Variants in KIAA1549 observed in about 807,000 individuals in gnomAD.
The protein encoded by KIAA1549 is UPF0606 protein KIAA1549.
A neutral mutation model predicts 156.4 loss-of-function variants in KIAA1549; 70 were observed. The observed-to-expected ratio is 0.45, with a 90% CI of 0.37 to 0.55. KIAA1549 has a LOEUF of 0.55. Among genes scored for constraint, KIAA1549 ranks in the 20% least tolerant of loss-of-function variants. The pLI is 0.00. For synonymous variants in KIAA1549, 1,103 were observed against 1,066.4 expected (o/e 1.03, Z -0.67); for missense variants, 2,428 against 2,540.9 (o/e 0.96, Z 0.96).
chr7:138,867,285 G>A (rs746263153), intron 15 of KIAA1549, among the ~76,000 whole-genome samples: 21 of 152,124 alleles, frequency 1.4e-4, no homozygotes, highest in Non-Finnish European at 2.5e-4. Context: ...ACAGGGTCAT[G>A]CCCTCATACC....
chr7:138,894,560 C>T, intron 9 of KIAA1549, 34 bp from the exon 10 acceptor site: 1 of 1,606,864 alleles, frequency 6.2e-7, no homozygotes, highest in South Asian at 1.1e-5. Flanking sequence ...TTCAATAATT[C>T]CTTCTTCACT....
intron 15 of KIAA1549, among the ~76,000 whole-genome samples, chr7:138,862,247 C>CA (rs1265930181): frequency 6.6e-6 from 1 of 152,086 alleles, no homozygotes; most frequent in African/African-American, 2.4e-5. Flanking sequence ...GTAATCCCAG[C>CA]AACTTGGGAG....
chr7:138,863,656 G>A (rs1810652931), intron 15 of KIAA1549, among the ~76,000 whole-genome samples: 1 of 152,136 alleles, frequency 6.6e-6, no homozygotes, highest in Non-Finnish European at 1.5e-5. Flanking sequence ...GCTCTGGCAT[G>A]ACCAGGCCCT....
chr7:138,884,367 G>C (rs895755740), intron 10 of KIAA1549, among the ~76,000 whole-genome samples: 3 of 151,986 alleles, frequency 2.0e-5, no homozygotes, highest in African/African-American at 7.3e-5. Context: ...TTGGCCAAAG[G>C]GACTTCAGAG....
intron 5 of KIAA1549, among the ~76,000 whole-genome samples, chr7:138,908,303 A>C (rs113125356): frequency 2.0e-5 from 3 of 152,334 alleles, no homozygotes; most frequent in African/African-American, 7.2e-5. Context: ...AGAGACTTTT[A>C]AGGTGACACT....
chr7:138,841,696 T>C (rs575145590), intron 18 of KIAA1549, among the ~76,000 whole-genome samples: 73 of 152,190 alleles, frequency 4.8e-4, no homozygotes, highest in Non-Finnish European at 9.8e-4. Context: ...AGTCTATTCC[T>C]ACTCTAGTTG....
chr7:138,903,450 G>A (rs894407861), intron 8 of KIAA1549, 138 bp downstream of exon 8: 36 of 852,182 alleles, frequency 4.2e-5, no homozygotes, highest in Admixed American at 1.5e-4. Context: ...CCAATATAGC[G>A]ATCAGTGGAA....
chr7:138,919,006 T>G lies in KIAA1549; in HGVS notation c.620A>C (p.Glu207Ala), dbSNP rs748275555. ...TGTGTTCTGCCAGCCCGATGTCACTTCTTCATCTTGTAAAGAAACCATGGG... is the reference window on the plus strand; with the variant it reads ...TGTGTTCTGCCAGCCCGATGTCACTGCTTCATCTTGTAAAGAAACCATGGG... ...SLPMVSLQDE[E>A]VTSGWQNTTR... is the part of the protein sequence containing the mutation. The change falls in exon 2 of 20, where the codon GAA (glutamate) becomes GCA (alanine). Residue 207 changes from glutamate to alanine, a missense_variant. Physicochemically the swap from Glu to Ala is moderately radical, Grantham distance 107. This residue lies in a region of KIAA1549 where 893 missense variants were observed against 847.9 expected (regional missense o/e 1.05). Transcript: ENST00000422774. 14 of 1,614,036 alleles carry G rather than the reference T, an allele frequency of 8.7e-6. No homozygotes were observed. Among genetic ancestry groups the G allele is most frequent in the Non-Finnish European group, 1.1e-5 (13 of 1,179,898 alleles).
At chr7:138,896,068 T>C (rs6964867) in intron 9 of KIAA1549, among the ~76,000 whole-genome samples, 1,937 of 146,256 alleles carry the variant, frequency 0.013, 38 homozygotes, top group African/African-American at 0.046. Context: ...GTTTTGCACA[T>C]GGTGCCTTAC....
At chr7:138,895,745 G>C (rs1375385057) in intron 9 of KIAA1549, among the ~76,000 whole-genome samples, 1 of 152,036 alleles carries the variant, frequency 6.6e-6, no homozygotes, top group Non-Finnish European at 1.5e-5. Flanking sequence ...GAAGGAAGAT[G>C]ATCCTTATGT....
At chr7:138,845,480 C>T (rs1810048034) in intron 17 of KIAA1549, among the ~76,000 whole-genome samples, 1 of 152,170 alleles carries the variant, frequency 6.6e-6, no homozygotes, top group South Asian at 2.1e-4. Flanking sequence ...AGTGGTAGTT[C>T]CTCAGGGGTC....
At chr7:138,890,281 CA>C (rs1811511066) in intron 10 of KIAA1549, among the ~76,000 whole-genome samples, 1 of 152,198 alleles carries the variant, frequency 6.6e-6, no homozygotes, top group African/African-American at 2.4e-5. Context: ...CAGTGAAGCC[CA>C]CAGTATTCGG....
At position 138,836,489 on chromosome 7, in the gene KIAA1549, T is replaced by C. The variant is rs74502279; in HGVS notation, c.*1417A>G. 971 of 215,042 alleles carry C rather than the reference T, an allele frequency of 4.5e-3. 9 individuals are homozygous for C. The highest frequency in any genetic ancestry group is 0.02 in the African/African-American group (905 of 44,410). 13.3% of individuals were successfully genotyped at this position (215,042 alleles called of 1,614,324 possible). Reference sequence around the variant, plus strand: ...TGCATCCCCATCATTAAGCGATGCATGACTGTCTTCGCTGATCTAATAAAA... The same window carrying C: ...TGCATCCCCATCATTAAGCGATGCACGACTGTCTTCGCTGATCTAATAAAA... On this transcript the variant is annotated 3_prime_UTR_variant, in exon 20 of 20. Transcript: ENST00000422774.
intron 1 of KIAA1549, among the ~76,000 whole-genome samples, chr7:138,939,850 A>G (rs1813123553): frequency 6.6e-6 from 1 of 152,126 alleles, no homozygotes. Flanking sequence ...AGCCTGCATT[A>G]ATTAAAGATA....
At chr7:138,929,589 C>T (rs1001119054) in intron 1 of KIAA1549, among the ~76,000 whole-genome samples, 1 of 152,158 alleles carries the variant, frequency 6.6e-6, no homozygotes, top group African/African-American at 2.4e-5. Context: ...AATGGTGAAC[C>T]TTTTCCAGAA....
At position 138,832,313 on chromosome 7, in the gene KIAA1549, T is replaced by C. The variant is rs959652220; in HGVS notation, c.*5593A>G. ...ATTGGCTCAAGCGATCCTCCAGTCT[T>C]AGCCTTTCGAGTAGCTGGGACTACT... On this transcript the variant is annotated 3_prime_UTR_variant, in exon 20 of 20. Coordinates refer to ENST00000422774, the MANE Select transcript of KIAA1549 (RefSeq NM_001164665.2). 2 of 197,300 alleles carry C rather than the reference T, an allele frequency of 1.0e-5. No homozygotes were observed. Among genetic ancestry groups the C allele is most frequent in the African/African-American group, 2.3e-5 (1 of 43,066 alleles). 12.2% of individuals were successfully genotyped at this position (197,300 alleles called of 1,614,324 possible).
chr7:138,904,621 C>CAAAA (rs768150554), intron 7 of KIAA1549, among the ~76,000 whole-genome samples: 1 of 45,734 alleles, frequency 2.2e-5, no homozygotes, highest in Non-Finnish European at 5.0e-5. Context: ...TCCCCTAAGA[C>CAAAA]AAAAAAAAAA....
At chr7:138,895,375 C>T (rs1384870059) in intron 9 of KIAA1549, among the ~76,000 whole-genome samples, 1 of 152,192 alleles carries the variant, frequency 6.6e-6, no homozygotes, top group Non-Finnish European at 1.5e-5. Flanking sequence ...ATGAAAAGAA[C>T]TCAAATGCCC....
At chr7:138,894,829 C>T (rs1023082798) in intron 9 of KIAA1549, among the ~76,000 whole-genome samples, 2 of 152,154 alleles carry the variant, frequency 1.3e-5, no homozygotes, top group Admixed American at 6.5e-5. Context: ...ACTAGCTCAC[C>T]CGTAACTTAT....
Sources: allele counts gnomAD v4.1 joint callset (sites outside exome capture counted in the v4.1 genomes callset), GRCh38; gene constraint gnomAD v4.1.1; regional missense constraint gnomAD v4.1.1; transcripts MANE v1.5; gene names NCBI Gene and HGNC (gene_info 2026-07-23, HGNC 2026-07-21).